The following EHMT1 variants were observed in gnomAD, a reference collection of about 807,000 sequenced individuals.
EHMT1 encodes euchromatic histone lysine methyltransferase 1.
In EHMT1, 15 loss-of-function variants were observed where a neutral mutation model predicts 147.2. That is an observed-to-expected ratio of 0.10 (90% CI 0.07 to 0.16). The LOEUF is 0.16. Ranked by LOEUF, EHMT1 falls within the 10% of genes least tolerant of loss-of-function variation. The probability of loss-of-function intolerance (pLI) is 1.00; values close to 1 mark genes in which losing one functional copy is unlikely to be tolerated. For synonymous variants in EHMT1, 795 were observed against 709.6 expected (o/e 1.12, Z -1.91); for missense variants, 1,587 against 1,772.4 (o/e 0.90, Z 1.88).
At chr9:137,717,396 A>T in intron 3 of EHMT1, 1 of 676,736 alleles carries the variant, frequency 1.5e-6, no homozygotes, top group Middle Eastern at 4.1e-4. Flanking sequence ...TGAGCCTAGG[A>T]GTTTGAGACC....
Position 137,716,770 on chromosome 9 carries a change from C to G in EHMT1, c.230C>G (p.Ala77Gly), listed in dbSNP as rs762442350. The G allele has an allele frequency of 3.1e-6, 5 of 1,613,008 alleles. No homozygotes were observed. The highest frequency in any genetic ancestry group is 4.5e-5 in the East Asian group (2 of 44,898). The change falls in exon 3 of 27, where the codon GCA (alanine) becomes GGA (glycine). Residue 77 changes from alanine to glycine, a missense_variant. Ala to Gly is a moderately conservative substitution (Grantham distance 60, BLOSUM62 0). This residue lies in a region of EHMT1 where 810 missense variants were observed against 673.0 expected (regional missense o/e 1.20). Transcript: ENST00000460843. The stretch of plus-strand genomic sequence containing the variant: ...GCTGCAAAGCACACTCAGGACAGCG[C>G]AAGGGTCAACCCCCAGGATGGCACC... ...ANAAKHTQDS[A>G]RVNPQDGTNT...
intron 16 of EHMT1, among the ~76,000 whole-genome samples, chr9:137,795,437 T>TCACATACA (rs1952852983): frequency 2.6e-5 from 1 of 38,214 alleles, no homozygotes; most frequent in Non-Finnish European, 6.7e-5. Flanking sequence ...ACTCTCACAC[T>TCACATACA]CACATACACA....
chr9:137,709,507 G>A (rs1013649653), intron 1 of EHMT1, among the ~76,000 whole-genome samples: 25 of 152,160 alleles, frequency 1.6e-4, no homozygotes, highest in African/African-American at 6.0e-4. Flanking sequence ...AGAAGGCAGC[G>A]AGACCATATG....
chr9:137,810,526 C>G (rs1034232287), intron 18 of EHMT1, among the ~76,000 whole-genome samples: 2 of 152,156 alleles, frequency 1.3e-5, no homozygotes, highest in African/African-American at 4.8e-5. Flanking sequence ...GTTTACCGTT[C>G]ATCTTTTTCT....
At chr9:137,673,879 C>T (rs938675516) in intron 1 of EHMT1, among the ~76,000 whole-genome samples, 2 of 152,158 alleles carry the variant, frequency 1.3e-5, no homozygotes, top group Admixed American at 6.5e-5. Flanking sequence ...CTTAGCCTCC[C>T]GGAGCCAATA....
rs578226637 is a variant in EHMT1, at chr9:137,777,862, C to A, written c.2019-20C>A. 1 of 1,611,928 alleles carries A rather than the reference C, an allele frequency of 6.2e-7. No homozygotes were observed. Among genetic ancestry groups the A allele is most frequent in the East Asian group, 2.2e-5 (1 of 44,876 alleles). On this transcript the variant is annotated intron_variant, in intron 12 of 26. Transcript: ENST00000460843. ...TGTTTCGTGTTTTCATAAACCTTTC[C>A]CCGATTTCCTCCCCTGAAGTGCTGC...
intron 1 of EHMT1, among the ~76,000 whole-genome samples, chr9:137,683,707 ATGTT>A (rs995350466): frequency 6.6e-6 from 1 of 152,318 alleles, no homozygotes; most frequent in East Asian, 1.9e-4. Context: ...GCACAGAAAA[ATGTT>A]TGGAAGGTTA....
At chr9:137,801,127 G>A in intron 18 of EHMT1, 143 bp downstream of exon 18, 1 of 741,044 alleles carries the variant, frequency 1.3e-6, no homozygotes, top group Non-Finnish European at 2.4e-6. Context: ...GCCCGGCACT[G>A]TGCTGTGGCT....
chr9:137,635,035 G>A (rs372731258), intron 1 of EHMT1, among the ~76,000 whole-genome samples: 8 of 151,082 alleles, frequency 5.3e-5, no homozygotes, highest in Middle Eastern at 3.2e-3. Flanking sequence ...TTGGATTTTC[G>A]TATGAGTTTT....
intron 17 of EHMT1, among the ~76,000 whole-genome samples, chr9:137,799,443 G>T (rs1165676884): frequency 2.0e-5 from 3 of 152,204 alleles, no homozygotes; most frequent in Non-Finnish European, 4.4e-5. Context: ...GGCAGGGTTT[G>T]CCATGCATGT....
chr9:137,799,498 G>A (rs1011057983), intron 17 of EHMT1, among the ~76,000 whole-genome samples: 39 of 152,208 alleles, frequency 2.6e-4, no homozygotes, highest in Non-Finnish European at 4.4e-5. Context: ...CCTGCCTCAC[G>A]AGTGAATGAC....
intron 10 of EHMT1, among the ~76,000 whole-genome samples, chr9:137,765,753 C>T (rs112436728): frequency 1.9e-4 from 29 of 151,668 alleles, no homozygotes; most frequent in African/African-American, 7.0e-4. Flanking sequence ...CCCACAACGC[C>T]CACTTCCAGG....
chr9:137,668,853 T>C (rs986888878), intron 1 of EHMT1, among the ~76,000 whole-genome samples: 1 of 152,186 alleles, frequency 6.6e-6, no homozygotes, highest in South Asian at 2.1e-4. Flanking sequence ...GTTCATATGG[T>C]GACTGTCTGT....
At chr9:137,762,877 C>T in intron 10 of EHMT1, 57 bp downstream of exon 10, 1 of 1,609,236 alleles carries the variant, frequency 6.2e-7, no homozygotes, top group Non-Finnish European at 8.5e-7. Context: ...GAAAGCCCAG[C>T]CCAGCAGGGG....
chr9:137,698,195 G>A (rs1452625796), intron 1 of EHMT1, among the ~76,000 whole-genome samples: 8 of 152,246 alleles, frequency 5.3e-5, no homozygotes, highest in Non-Finnish European at 4.4e-5. Context: ...TTGACAAAAC[G>A]TGGACGCATT....
chr9:137,761,143 T>C (rs1949781443), intron 9 of EHMT1, among the ~76,000 whole-genome samples: 1 of 152,192 alleles, frequency 6.6e-6, no homozygotes, highest in Non-Finnish European at 1.5e-5. Context: ...GAAGGATTTT[T>C]AGGGTGAACG....
intron 1 of EHMT1, among the ~76,000 whole-genome samples, chr9:137,660,538 T>C (rs1192079681): frequency 1.3e-5 from 2 of 152,094 alleles, no homozygotes; most frequent in African/African-American, 4.8e-5. Context: ...GTTCTGGATA[T>C]TTTTGGCCAC....
intron 1 of EHMT1, among the ~76,000 whole-genome samples, chr9:137,656,102 G>T (rs1938412788): frequency 6.6e-6 from 1 of 152,152 alleles, no homozygotes; most frequent in Admixed American, 6.6e-5. Flanking sequence ...ACATATGGCT[G>T]GGCGCAGTGG....
chr9:137,657,851 C>CTTTTT (rs34591563), intron 1 of EHMT1, among the ~76,000 whole-genome samples: 2 of 147,990 alleles, frequency 1.4e-5, no homozygotes, highest in Non-Finnish European at 3.0e-5. Context: ...CATCCTTCTA[C>CTTTTT]TTTTTTTTTT....
Sources: gnomAD v4.1 joint callset for allele counts (sites outside exome capture counted in the v4.1 genomes callset) on GRCh38, gnomAD v4.1.1 for gene constraint, gnomAD v4.1.1 regional missense constraint, MANE v1.5 for transcripts, NCBI Gene and HGNC (gene_info 2026-07-23, HGNC 2026-07-21) for gene names.